The following NALCN variants were observed in gnomAD, a reference collection of about 807,000 sequenced individuals.
The protein encoded by NALCN is sodium leak channel, non-selective, also known as sodium leak channel NALCN.
Under a neutral mutation model 225.3 loss-of-function variants are expected in NALCN, and 111 were observed. The ratio of observed to expected loss-of-function variants is 0.49; its 90% CI spans 0.42 to 0.58. The LOEUF is 0.58. Ranked by LOEUF, NALCN falls within the 20% of genes least tolerant of loss-of-function variation. The pLI, the probability that NALCN is intolerant of heterozygous loss-of-function variation, is 0.00. For missense variants in NALCN, 1,378 were observed against 2,202.4 expected (o/e 0.63, Z 7.49); for synonymous variants, 764 against 769.0 (o/e 0.99, Z 0.11).
At chr13:101,061,917 G>A in intron 41 of NALCN, 51 bp downstream of exon 41, 1 of 1,541,286 alleles carries the variant, frequency 6.5e-7, no homozygotes, top group Non-Finnish European at 8.8e-7. Context: ...CTCCTGCGGG[G>A]CAGGGCGGGG....
intron 1 of NALCN, among the ~76,000 whole-genome samples, chr13:101,399,913 G>A (rs1057400726): frequency 6.6e-6 from 1 of 152,112 alleles, no homozygotes; most frequent in Non-Finnish European, 1.5e-5. Flanking sequence ...TTGAAGGGGG[G>A]CTATTATATG....
At chr13:101,101,394 C>A (rs2034814819) in intron 26 of NALCN, among the ~76,000 whole-genome samples, 2 of 148,822 alleles carry the variant, frequency 1.3e-5, no homozygotes, top group Admixed American at 1.4e-4. Flanking sequence ...AATTCTACTG[C>A]CTCAGCCTCC....
chr13:101,068,071 T>C, intron 38 of NALCN, 38 bp from the exon 39 acceptor site: 2 of 1,217,196 alleles, frequency 1.6e-6, no homozygotes, highest in Non-Finnish European at 1.2e-6. Context: ...TAGACCATTA[T>C]GCTAATCTGT....
chr13:101,069,988 A>C (rs1035278047), intron 37 of NALCN, among the ~76,000 whole-genome samples: 4 of 151,366 alleles, frequency 2.6e-5, no homozygotes, highest in Non-Finnish European at 2.9e-5. Context: ...AGTCATCCAT[A>C]ATGGCTGGAA....
chr13:101,243,892 T>C lies in NALCN; in HGVS notation c.1267-5970A>G, dbSNP rs550036425. On this transcript the variant is annotated intron_variant, in intron 11 of 43. Coordinates refer to ENST00000251127, the MANE Select transcript of NALCN (RefSeq NM_052867.4). The stretch of plus-strand genomic sequence containing the variant: ...AGGCTCTCTGCCCTGAGCAGTGGCC[T>C]CAGGGGACCAGAGGACTCAGACTTT... 6.0e-4 allele frequency among the ~76,000 whole-genome samples: 63 copies of C among 105,372 alleles called. 21 individuals are homozygous for C. Among genetic ancestry groups the C allele is most frequent in the Non-Finnish European group, 1.0e-3 (47 of 47,086 alleles). 69.1% of individuals were successfully genotyped at this position (105,372 alleles called of 152,430 possible).
At chr13:101,297,445 C>A (rs566609262) in intron 7 of NALCN, among the ~76,000 whole-genome samples, 1 of 152,278 alleles carries the variant, frequency 6.6e-6, no homozygotes, top group South Asian at 2.1e-4. Flanking sequence ...TATGACCATC[C>A]ATTTCTTTCT....
rs1176255674 is a variant in NALCN at position 101,143,223 on chromosome 13, T to C, written c.1977-2A>G. The stretch of plus-strand genomic sequence containing the variant: ...ATAAACTGCTTCATAAAACTCTCCC[T>C]TTGCAAATGAAGTATATGTGCATCA... On this transcript the variant is annotated splice_acceptor_variant, in intron 16 of 43. Coordinates refer to ENST00000251127, the MANE Select transcript of NALCN (RefSeq NM_052867.4). LOFTEE classifies it high-confidence loss of function. 1 of 1,604,754 alleles carries C rather than the reference T, an allele frequency of 6.2e-7. No individual in the cohort carries two copies. Among genetic ancestry groups the C allele is most frequent in the African/African-American group, 1.3e-5 (1 of 74,440 alleles).
chr13:101,215,292 A>G (rs1159253211), intron 13 of NALCN, among the ~76,000 whole-genome samples: 26 of 152,154 alleles, frequency 1.7e-4, no homozygotes, highest in Admixed American at 1.7e-3. Flanking sequence ...CATGTGCACA[A>G]ATCAATGTAC....
At chr13:101,101,476 T>C (rs1226175418) in intron 26 of NALCN, among the ~76,000 whole-genome samples, 1 of 152,034 alleles carries the variant, frequency 6.6e-6, no homozygotes, top group Non-Finnish European at 1.5e-5. Flanking sequence ...AGACAGGGTT[T>C]CATCATATTG....
At chr13:101,229,632 T>C in intron 12 of NALCN, 48 bp from the exon 13 acceptor site, 1 of 1,380,194 alleles carries the variant, frequency 7.2e-7, no homozygotes. Context: ...ATCATTTATT[T>C]ACACTGAATC....
At position 101,312,625 on chromosome 13, in the gene NALCN, A is replaced by G. The variant is rs2044389007; in HGVS notation, c.800-20259T>C. On this transcript the variant is annotated intron_variant, in intron 7 of 43. Transcript: ENST00000251127. Reference sequence around the variant, plus strand: ...GCCTTCATTTCATTATGTACCCAGTATTCATTCAGGAGCAGGTTGTTCAGT... The same window carrying G: ...GCCTTCATTTCATTATGTACCCAGTGTTCATTCAGGAGCAGGTTGTTCAGT... Among the ~76,000 whole-genome samples the G allele has an allele frequency of 2.6e-5, 4 of 152,292 alleles. No homozygotes were observed. In the South Asian group the frequency reaches 6.2e-4, roughly 24 times the overall value.
Position 101,095,654 on chromosome 13 carries a change from A to C in NALCN, c.3189T>G (p.Ile1063Met), listed in dbSNP as rs1273868125. 6.2e-7 allele frequency: 1 copy of C among 1,613,068 alleles called. No homozygotes were observed. Among genetic ancestry groups the C allele is most frequent in the Non-Finnish European group, 8.5e-7 (1 of 1,179,560 alleles). ...RREDCNGIFRINVSVSKNLNL... is the reference protein window; with the variant it reads ...RREDCNGIFRMNVSVSKNLNL... Reference sequence around the variant, plus strand: ...TTAAGTTCTTTGACACACTGACATTAATTCTGAATATGCCATTGCAATCTT... The same window carrying C: ...TTAAGTTCTTTGACACACTGACATTCATTCTGAATATGCCATTGCAATCTT... The change falls in exon 28 of 44, where the codon ATT becomes ATG. Residue 1063 changes from isoleucine to methionine, a missense_variant. Ile to Met is a conservative substitution (Grantham distance 10). Transcript: ENST00000251127.
chr13:101,349,192 C>G (rs1027011225), intron 6 of NALCN, among the ~76,000 whole-genome samples: 2 of 152,164 alleles, frequency 1.3e-5, no homozygotes, highest in African/African-American at 2.4e-5. Context: ...AAAGTATCTA[C>G]TTGTAATCTC....
intron 7 of NALCN, among the ~76,000 whole-genome samples, chr13:101,328,944 T>C (rs967892579): frequency 5.9e-5 from 9 of 152,302 alleles, no homozygotes; most frequent in African/African-American, 1.9e-4. Context: ...TAATCATCAC[T>C]GAGCCCTGTC....
intron 15 of NALCN, among the ~76,000 whole-genome samples, chr13:101,147,552 A>C (rs1370647533): frequency 6.6e-6 from 1 of 151,932 alleles, no homozygotes; most frequent in African/African-American, 2.4e-5. Flanking sequence ...TTGTTTTAAC[A>C]AACAAAAACA....
chr13:101,059,173 C>T (rs542228139), intron 42 of NALCN: 6 of 152,602 alleles, frequency 3.9e-5, no homozygotes, highest in Non-Finnish European at 8.8e-5. Flanking sequence ...AGCTGCTTCT[C>T]ACAGCACAGG....
intron 15 of NALCN, among the ~76,000 whole-genome samples, chr13:101,151,584 T>A (rs753407491): frequency 1.3e-5 from 2 of 152,086 alleles, no homozygotes; most frequent in African/African-American, 4.8e-5. Flanking sequence ...AAGAAAGGAG[T>A]CCCTCCTCTT....
chr13:101,412,850 G>A (rs1243447790), intron 1 of NALCN, among the ~76,000 whole-genome samples: 1 of 152,178 alleles, frequency 6.6e-6, no homozygotes, highest in East Asian at 1.9e-4. Context: ...AAAGCAAAAA[G>A]CAGAATTAGA....
At chr13:101,178,380 G>A (rs1693722613) in intron 14 of NALCN, among the ~76,000 whole-genome samples, 1 of 152,190 alleles carries the variant, frequency 6.6e-6, no homozygotes, top group South Asian at 2.1e-4. Flanking sequence ...AAGGGATCCT[G>A]TTCGCCTCCC....
Sources: gnomAD v4.1 joint callset for allele counts (sites outside exome capture counted in the v4.1 genomes callset) on GRCh38, gnomAD v4.1.1 for gene constraint, MANE v1.5 for transcripts, NCBI Gene and HGNC (gene_info 2026-07-23, HGNC 2026-07-21) for gene names.